The following DNM1 variants were observed in gnomAD, a reference collection of about 807,000 sequenced individuals.
The protein encoded by DNM1 is dynamin 1, also known as dynamin-1.
In DNM1, 29 loss-of-function variants were observed where a neutral mutation model predicts 104.6. The observed-to-expected ratio is 0.28, with a 90% CI of 0.21 to 0.38. The LOEUF (loss-of-function observed/expected upper bound fraction) is 0.38, where lower values mean the gene tolerates loss of function less well. DNM1 is among the 10% of genes least tolerant of loss of function. The probability of loss-of-function intolerance (pLI) is 1.00; values close to 1 mark genes in which losing one functional copy is unlikely to be tolerated. For missense variants in DNM1, 640 were observed against 1,189.4 expected, an observed-to-expected ratio of 0.54 and a Z score of 6.79; for synonymous variants, 445 against 475.8, an observed-to-expected ratio of 0.94 and a Z score of 0.84.
chr9:128,247,869 G>A lies in DNM1; in HGVS notation c.1894-55G>A. The A allele has an allele frequency of 1.2e-6, 2 of 1,604,830 alleles. No individual in the cohort carries two copies. Among genetic ancestry groups the A allele is most frequent in the Non-Finnish European group, 1.7e-6 (2 of 1,174,348 alleles). Reference sequence around the variant, plus strand: ...CCCTTTTCCTCTCTGTGTTTCCTTCGGCTGTGCTCCCTGGTGGTGGCGGCG... The same window carrying A: ...CCCTTTTCCTCTCTGTGTTTCCTTCAGCTGTGCTCCCTGGTGGTGGCGGCG... On this transcript the variant is annotated intron_variant, in intron 17 of 21. Transcript: ENST00000372923. The surrounding 1 kb of genome is among the most constrained non-coding windows in gnomAD (Gnocchi z 5.1).
At position 128,248,890 on chromosome 9, in the gene DNM1, T is replaced by A; in HGVS notation, c.2076+137T>A. 1 of 948,528 alleles carries A rather than the reference T, an allele frequency of 1.1e-6. No individual in the cohort carries two copies. 58.8% of individuals were successfully genotyped at this position (948,528 alleles called of 1,614,324 possible). A position where few individuals can be genotyped will look rare whatever the true frequency, so the allele number is the denominator to read the frequency against. On this transcript the variant is annotated intron_variant, in intron 19 of 21. Coordinates refer to ENST00000372923, the MANE Select transcript of DNM1 (RefSeq NM_004408.4). The surrounding 1 kb of genome is among the most constrained non-coding windows in gnomAD (Gnocchi z 5.6). ...GGAGGCACGGTCCAGACCAGAGCTG[T>A]CCAATAGAAATATCATGAGGGGCTG...
chr9:128,239,153 A>G (rs1260608743), intron 11 of DNM1, among the ~76,000 whole-genome samples: 3 of 152,024 alleles, frequency 2.0e-5, no homozygotes, highest in African/African-American at 7.3e-5. Context: ...ACATGCCACC[A>G]TGCCTAGCTA....
intron 1 of DNM1, among the ~76,000 whole-genome samples, chr9:128,213,413 T>C (rs547175838): frequency 6.7e-6 from 1 of 148,694 alleles, no homozygotes; most frequent in South Asian, 2.1e-4. Flanking sequence ...GGAGAACACA[T>C]GATTTTAAAA....
At position 128,240,161 on chromosome 9, in the gene DNM1, C is replaced by T. The variant is rs1216964619; in HGVS notation, c.1557+165C>T. Reference sequence around the variant, plus strand: ...CCCTCAGGCCAGAGGCAGGCCCAGCCGCATCCACCCGTCCATCTGTGTGCA... The same window carrying T: ...CCCTCAGGCCAGAGGCAGGCCCAGCTGCATCCACCCGTCCATCTGTGTGCA... On this transcript the variant is annotated intron_variant, in intron 14 of 21. Transcript: ENST00000372923. This position sits in a 1 kb window ranked among gnomAD's most constrained non-coding sequence, Gnocchi z 5.1. Among the ~76,000 whole-genome samples the T allele has an allele frequency of 1.3e-5, 2 of 152,146 alleles. No homozygotes were observed. The highest frequency in any genetic ancestry group is 2.4e-5 in the African/African-American group (1 of 41,424).
chr9:128,221,628 G>T (rs186887165), intron 6 of DNM1, among the ~76,000 whole-genome samples: 2 of 152,276 alleles, frequency 1.3e-5, no homozygotes, highest in East Asian at 3.9e-4. Flanking sequence ...TGGTATGGTG[G>T]TTCATGCCTG....
At position 128,247,601 on chromosome 9, in the gene DNM1, A is replaced by G; in HGVS notation, c.1893+115A>G. On this transcript the variant is annotated intron_variant, in intron 17 of 21. Transcript: ENST00000372923. The surrounding 1 kb of genome is among the most constrained non-coding windows in gnomAD (Gnocchi z 5.1). ...CCGAGCCCTTATTTGGCTCAGAAATAATAGGAATCCTCCCCCCTACCCACT... is the reference window on the plus strand; with the variant it reads ...CCGAGCCCTTATTTGGCTCAGAAATGATAGGAATCCTCCCCCCTACCCACT... 6.7e-6 allele frequency: 6 copies of G among 894,758 alleles called. No individual in the cohort carries two copies. Among genetic ancestry groups the G allele is most frequent in the Non-Finnish European group, 1.7e-6 (1 of 571,730 alleles). 55.4% of individuals were successfully genotyped at this position (894,758 alleles called of 1,614,324 possible).
intron 20 of DNM1, 84 bp downstream of exon 20, chr9:128,250,440 C>T (rs1829441593): frequency 7.2e-7 from 1 of 1,393,038 alleles, no homozygotes; most frequent in Non-Finnish European, 9.5e-7. Flanking sequence ...GTGGCGCGCC[C>T]GCGTCACCGG....
Position 128,203,384 on chromosome 9 carries a change from G to T in DNM1, c.-87G>T, listed in dbSNP as rs1009986649. The stretch of plus-strand genomic sequence containing the variant: ...GGGGGCCCCGCGGCGCAGGCAGTCT[G>T]GGCGCGCGGCTGCAGCGGCGGAGCC... On this transcript the variant is annotated 5_prime_UTR_variant, in exon 1 of 22. Coordinates refer to ENST00000372923, the MANE Select transcript of DNM1 (RefSeq NM_004408.4). The surrounding 1 kb of genome is among the most constrained non-coding windows in gnomAD (Gnocchi z 5.3). The T allele has an allele frequency of 3.5e-5, 44 of 1,270,692 alleles. No homozygotes were observed. Among genetic ancestry groups the T allele is most frequent in the Non-Finnish European group, 4.3e-5 (43 of 999,606 alleles). The allele number at this position is 1,270,692 out of a possible 1,614,324, so 78.7% of individuals were successfully genotyped here. A position where few individuals can be genotyped will look rare whatever the true frequency, so the allele number is the denominator to read the frequency against.
Position 128,253,013 on chromosome 9 carries a change from CG to C in DNM1, c.2535-1638del, listed in dbSNP as rs1829622929. 2 of 1,336,026 alleles carry C rather than the reference CG, an allele frequency of 1.5e-6. No homozygotes were observed. Among genetic ancestry groups the C allele is most frequent in the Admixed American group, 1.7e-5 (1 of 59,000 alleles). The allele number at this position is 1,336,026 out of a possible 1,614,324, so 82.8% of individuals were successfully genotyped here. ...GCCTCACAGCATGTGTGTGCACGCC[CG>C]GGCGTGTGCGTGTGTGTGTCCCCCA... is the stretch of plus-strand genomic sequence containing the variant. On this transcript the variant is annotated intron_variant, in intron 21 of 21. Coordinates refer to ENST00000372923, the MANE Select transcript of DNM1 (RefSeq NM_004408.4). This position sits in a 1 kb window ranked among gnomAD's most constrained non-coding sequence, Gnocchi z 5.9.
chr9:128,240,220 C>T lies in DNM1; in HGVS notation c.1557+224C>T, dbSNP rs56092842. ...GCACCTACTTCAGGCAGAGCTAGACCGTGTGGGGCTGGGTGGGTGAGAAGG... is the reference window on the plus strand; with the variant it reads ...GCACCTACTTCAGGCAGAGCTAGACTGTGTGGGGCTGGGTGGGTGAGAAGG... On this transcript the variant is annotated intron_variant, in intron 14 of 21. Coordinates refer to ENST00000372923, the MANE Select transcript of DNM1 (RefSeq NM_004408.4). This position sits in a 1 kb window ranked among gnomAD's most constrained non-coding sequence, Gnocchi z 5.1. Among the ~76,000 whole-genome samples the T allele has an allele frequency of 0.036, 5,496 of 152,258 alleles. 336 individuals carry two copies. The highest frequency in any genetic ancestry group is 0.12 in the African/African-American group (5,143 of 41,512).
chr9:128,248,664 C>A lies in DNM1; in HGVS notation c.1987C>A (p.Arg663=), dbSNP rs777360250. The A allele has an allele frequency of 6.2e-7, 1 of 1,614,018 alleles. No homozygotes were observed. The highest frequency in any genetic ancestry group is 8.5e-7 in the Non-Finnish European group (1 of 1,179,914). The part of the protein sequence containing the change: ...PQLERQVETI[R]NLVDSYMAIV... ...GCTGGAACGGCAAGTGGAGACCATC[C>A]GGAATCTTGTGGACTCATACATGGC... Residue 663 remains arginine (R), a synonymous_variant, in exon 19 of 22, where the codon CGG becomes AGG. Transcript: ENST00000372923. The surrounding 1 kb of genome is among the most constrained non-coding windows in gnomAD (Gnocchi z 5.6).
rs1834758362 is a variant in DNM1 at position 128,218,698 on chromosome 9, G to A, written c.352G>A (p.Val118Met). The change falls in exon 3 of 22, where the codon GTG becomes ATG. Residue 118 changes from valine (V) to methionine (M), a missense_variant. Coordinates refer to ENST00000372923, the MANE Select transcript of DNM1 (RefSeq NM_004408.4). This position sits in a 1 kb window ranked among gnomAD's most constrained non-coding sequence, Gnocchi z 4.8. ...CGGCACCAACAAGGGCATCTCGCCG[G>A]TGCCTATCAACCTCCGCGTCTACTC... ...VTGTNKGISPVPINLRVYSPH... is the reference protein window; with the variant it reads ...VTGTNKGISPMPINLRVYSPH... 1 of 1,610,388 alleles carries A rather than the reference G, an allele frequency of 6.2e-7. No individual in the cohort carries two copies.
intron 20 of DNM1, 82 bp from the exon 21 acceptor site, chr9:128,250,643 G>A: frequency 1.8e-5 from 22 of 1,234,942 alleles, no homozygotes; most frequent in Non-Finnish European, 2.2e-5. Context: ...GGCGTGGCCA[G>A]CACTGGGCTG....
rs1278031862 is a variant in DNM1 at position 128,253,936 on chromosome 9, G to A, written c.2535-718G>A. 3 of 1,233,008 alleles carry A rather than the reference G, an allele frequency of 2.4e-6. No individual in the cohort carries two copies. The highest frequency in any genetic ancestry group is 3.0e-6 in the Non-Finnish European group (3 of 988,758). 76.4% of individuals were successfully genotyped at this position (1,233,008 alleles called of 1,614,324 possible). A position where few individuals can be genotyped will look rare whatever the true frequency, so the allele number is the denominator to read the frequency against. ...GGGGACGACCGTGCCTGCTGGCCCA[G>A]CTGAGCTCCGCCCAGTGAGCCCACC... On this transcript the variant is annotated intron_variant, in intron 21 of 21. Coordinates refer to ENST00000372923, the MANE Select transcript of DNM1 (RefSeq NM_004408.4). The surrounding 1 kb of genome is among the most constrained non-coding windows in gnomAD (Gnocchi z 5.9).
Position 128,250,960 on chromosome 9 carries a change from G to C in DNM1, c.2534+20G>C. The stretch of plus-strand genomic sequence containing the variant: ...CCCCAGGTGAGTAGGGGCTGAATGC[G>C]GCTGGAGAGGCTGCCGGACGGGCGT... On this transcript the variant is annotated intron_variant, in intron 21 of 21. Coordinates refer to ENST00000372923, the MANE Select transcript of DNM1 (RefSeq NM_004408.4). 1 of 1,316,748 alleles carries C rather than the reference G, an allele frequency of 7.6e-7. No homozygotes were observed. The highest frequency in any genetic ancestry group is 1.0e-6 in the Non-Finnish European group (1 of 979,278). The allele number at this position is 1,316,748 out of a possible 1,614,324, so 81.6% of individuals were successfully genotyped here.
chr9:128,218,785 C>T lies in DNM1; in HGVS notation c.385+54C>T, dbSNP rs3003602. ...TAAGAATCATTTTCTTGGCCACGCA[C>T]CTCTGCGTGCCTCGCTCCTCCTGCA... On this transcript the variant is annotated intron_variant, in intron 3 of 21. Transcript: ENST00000372923. This position sits in a 1 kb window ranked among gnomAD's most constrained non-coding sequence, Gnocchi z 4.8. The T allele has an allele frequency of 0.65, 989,865 of 1,532,036 alleles. 321,346 individuals carry two copies. Among genetic ancestry groups the T allele is most frequent in the Admixed American group, 0.75 (38,822 of 51,890 alleles). The allele number at this position is 1,532,036 out of a possible 1,614,324, so 94.9% of individuals were successfully genotyped here.
chr9:128,208,643 G>A (rs554195421), intron 1 of DNM1, among the ~76,000 whole-genome samples: 27 of 152,302 alleles, frequency 1.8e-4, no homozygotes, highest in African/African-American at 6.5e-4. Flanking sequence ...CTTGCTGTGT[G>A]CCAGGCCCTG....
In DNM1 at chr9:128,227,419, T is replaced by C. The variant is rs527820783; in HGVS notation, c.1335+3030T>C. Among the ~76,000 whole-genome samples the C allele has an allele frequency of 3.2e-4, 45 of 140,300 alleles. 1 individual carries two copies. In the South Asian group the frequency reaches 0.01, roughly 32 times the overall value. The allele number at this position is 140,300 out of a possible 152,430, so 92.0% of individuals were successfully genotyped here. A position where few individuals can be genotyped will look rare whatever the true frequency, so the allele number is the denominator to read the frequency against. On this transcript the variant is annotated intron_variant, in intron 10 of 21. Transcript: ENST00000372923. ...TTTTTTTTGAGACAGTCTCACTCTG[T>C]TGCCTAGGCTGGAGTGCAGTGGCAC...
intron 4 of DNM1, among the ~76,000 whole-genome samples, chr9:128,219,632 G>C (rs1834823315): frequency 6.6e-6 from 1 of 151,492 alleles, no homozygotes; most frequent in African/African-American, 2.4e-5. Flanking sequence ...TCGCACCACT[G>C]CAGTCCAGCA....
Sources: gnomAD v4.1 joint callset for allele counts (sites outside exome capture counted in the v4.1 genomes callset) on GRCh38, gnomAD v4.1.1 for gene constraint, Gnocchi (gnomAD v3.1) non-coding constraint, MANE v1.5 for transcripts, NCBI Gene and HGNC (gene_info 2026-07-23, HGNC 2026-07-21) for gene names.